The following DLGAP2 variants were observed in gnomAD, a reference collection of about 807,000 sequenced individuals.
The protein encoded by DLGAP2 is DLG associated protein 2, also known as disks large-associated protein 2.
DLGAP2 carries 26 observed loss-of-function variants against 100.3 expected under a neutral mutation model. The observed-to-expected ratio is 0.26, with a 90% CI of 0.19 to 0.36. DLGAP2 has a LOEUF of 0.36. DLGAP2 is among the 10% of genes least tolerant of loss of function. DLGAP2 has a pLI of 1.00. For synonymous variants in DLGAP2, 886 were observed against 630.1 expected, an observed-to-expected ratio of 1.41 and a Z score of -6.08; for missense variants, 1,858 against 1,453.2, an observed-to-expected ratio of 1.28 and a Z score of -4.53.
intron 3 of DLGAP2, among the ~76,000 whole-genome samples, chr8:1,443,330 C>A (rs983014342): frequency 6.6e-6 from 1 of 152,154 alleles, no homozygotes; most frequent in Admixed American, 6.5e-5. Flanking sequence ...GATGTTAATA[C>A]TTCCAGCCTT....
At chr8:1,267,244 T>TA (rs1250780172) in intron 3 of DLGAP2, among the ~76,000 whole-genome samples, 1 of 138,690 alleles carries the variant, frequency 7.2e-6, no homozygotes, top group Non-Finnish European at 1.5e-5. Context: ...AATAAATAAA[T>TA]AAATAAAATA....
At chr8:738,308 G>C (rs548278861) in intron 1 of DLGAP2, among the ~76,000 whole-genome samples, 29 of 152,008 alleles carry the variant, frequency 1.9e-4, no homozygotes, top group Admixed American at 1.8e-3. Flanking sequence ...ATGAATGAAG[G>C]GTGCCGGGCT....
chr8:1,555,504 C>G (rs78928652), intron 5 of DLGAP2, among the ~76,000 whole-genome samples: 8,534 of 152,250 alleles, frequency 0.056, 775 homozygotes, highest in African/African-American at 0.19. Flanking sequence ...ACAGAATCCT[C>G]TCCCACCTTG....
chr8:1,114,210 C>G (rs1384025249), intron 2 of DLGAP2, among the ~76,000 whole-genome samples: 1 of 152,088 alleles, frequency 6.6e-6, no homozygotes, highest in Non-Finnish European at 1.5e-5. Flanking sequence ...ACGCTGGCCT[C>G]ATAGAATGAG....
chr8:1,243,861 C>T (rs1349422226), intron 2 of DLGAP2, among the ~76,000 whole-genome samples: 1 of 152,220 alleles, frequency 6.6e-6, no homozygotes, highest in Admixed American at 6.5e-5. Flanking sequence ...TGAGTAACCT[C>T]ACTATCCACA....
At chr8:970,401 C>T (rs1037460408) in intron 2 of DLGAP2, among the ~76,000 whole-genome samples, 3 of 152,172 alleles carry the variant, frequency 2.0e-5, no homozygotes, top group African/African-American at 4.8e-5. Flanking sequence ...ACACATTTTT[C>T]TCCAGAGAGG....
At chr8:1,116,996 C>T (rs1416275928) in intron 2 of DLGAP2, among the ~76,000 whole-genome samples, 1 of 152,164 alleles carries the variant, frequency 6.6e-6, no homozygotes, top group Non-Finnish European at 1.5e-5. Flanking sequence ...CAAAAGAAAG[C>T]TGAAAAATAA....
chr8:756,324 G>GGA (rs1820920785), intron 1 of DLGAP2, among the ~76,000 whole-genome samples: 1 of 152,148 alleles, frequency 6.6e-6, no homozygotes, highest in African/African-American at 2.4e-5. Context: ...GGTTGGGGCT[G>GGA]ACGGCAAAGA....
chr8:965,399 C>G (rs1293127433), intron 2 of DLGAP2, among the ~76,000 whole-genome samples: 4 of 69,690 alleles, frequency 5.7e-5, no homozygotes, highest in Non-Finnish European at 2.7e-5. Context: ...TCATCACACA[C>G]GCGGCTCCAG....
chr8:887,052 C>G (rs190326764), intron 1 of DLGAP2, among the ~76,000 whole-genome samples: 52 of 152,252 alleles, frequency 3.4e-4, no homozygotes, highest in Admixed American at 2.6e-3. Context: ...CTGGATACTC[C>G]TTTATTGGGT....
At chr8:1,499,066 C>T (rs542925321) in intron 3 of DLGAP2, among the ~76,000 whole-genome samples, 1 of 152,214 alleles carries the variant, frequency 6.6e-6, no homozygotes, top group African/African-American at 2.4e-5. Context: ...GGCAAGGAAG[C>T]GTTTGTACTC....
chr8:1,590,249 G>A (rs1267468393), intron 6 of DLGAP2, among the ~76,000 whole-genome samples: 1 of 152,234 alleles, frequency 6.6e-6, no homozygotes, highest in African/African-American at 2.4e-5. Flanking sequence ...CTGAGGCACT[G>A]GGGGTGAGGA....
At chr8:1,133,426 A>T (rs2129049403) in intron 2 of DLGAP2, among the ~76,000 whole-genome samples, 1 of 152,328 alleles carries the variant, frequency 6.6e-6, no homozygotes, top group Non-Finnish European at 1.5e-5. Flanking sequence ...AGAAATATAT[A>T]TGAATAAAAA....
chr8:838,410 T>C (rs1357063743), intron 1 of DLGAP2, among the ~76,000 whole-genome samples: 2 of 151,816 alleles, frequency 1.3e-5, no homozygotes, highest in Non-Finnish European at 2.9e-5. Context: ...TTATATTTTA[T>C]TTTATTTTAA....
intron 4 of DLGAP2, 144 bp from the exon 5 acceptor site, chr8:1,548,482 A>AAT: frequency 1.8e-6 from 1 of 549,768 alleles, no homozygotes; most frequent in African/African-American, 2.0e-5. Flanking sequence ...AAAAAAAAAA[A>AAT]AACCCACAAA....
intron 1 of DLGAP2, among the ~76,000 whole-genome samples, chr8:867,305 TA>T (rs1275935836): frequency 2.6e-5 from 4 of 152,220 alleles, no homozygotes; most frequent in Admixed American, 2.6e-4. Context: ...CAAGTATGTA[TA>T]ATTATTCCAA....
chr8:1,005,898 G>T (rs186605355), intron 2 of DLGAP2, among the ~76,000 whole-genome samples: 47 of 152,260 alleles, frequency 3.1e-4, no homozygotes, highest in Admixed American at 2.7e-3. Context: ...ACGTAACGGG[G>T]AGTGAGGGAG....
chr8:1,594,090 C>T (rs1207006046), intron 6 of DLGAP2, among the ~76,000 whole-genome samples: 4 of 152,158 alleles, frequency 2.6e-5, no homozygotes, highest in African/African-American at 9.7e-5. Flanking sequence ...CTTCTTCTCT[C>T]TGGGAAGGGA....
chr8:803,320 C>G (rs1052180336), intron 1 of DLGAP2, among the ~76,000 whole-genome samples: 7 of 152,166 alleles, frequency 4.6e-5, no homozygotes, highest in African/African-American at 1.7e-4. Flanking sequence ...TAGTATATTC[C>G]TTATATTATA....
Sources: allele counts gnomAD v4.1 joint callset (sites outside exome capture counted in the v4.1 genomes callset), GRCh38; gene constraint gnomAD v4.1.1; transcripts MANE v1.5; gene names NCBI Gene and HGNC (gene_info 2026-07-23, HGNC 2026-07-21).